DNAAF9: variants seen among roughly 807,000 people sequenced by gnomAD.
DNAAF9 encodes the protein shulin.
DNAAF9 carries 90 observed loss-of-function variants against 167.0 expected under a neutral mutation model. The ratio of observed to expected loss-of-function variants is 0.54; its 90% confidence interval spans 0.45 to 0.64. The LOEUF is 0.64. Among genes scored for constraint, DNAAF9 ranks in the 30% least tolerant of loss-of-function variants. The pLI, the probability that DNAAF9 is intolerant of heterozygous loss-of-function variation, is 0.00. For synonymous variants in DNAAF9, 491 were observed against 508.8 expected, an observed-to-expected ratio of 0.96 and a Z score of 0.47; for missense variants, 1,315 against 1,442.2, an observed-to-expected ratio of 0.91 and a Z score of 1.43.
At chr20:3,353,134 T>C (rs994327887) in intron 7 of DNAAF9, among the ~76,000 whole-genome samples, 2 of 149,854 alleles carry the variant, frequency 1.3e-5, no homozygotes, top group Non-Finnish European at 3.0e-5. Flanking sequence ...ATATAACATA[T>C]GTGTATATAT....
intron 25 of DNAAF9, among the ~76,000 whole-genome samples, chr20:3,292,090 C>G (rs111529712): frequency 6.6e-6 from 1 of 152,048 alleles, no homozygotes; most frequent in South Asian, 2.1e-4. Context: ...CCTCCGCCTC[C>G]CGGGTTCACG....
chr20:3,361,881 T>TAA, intron 6 of DNAAF9: 1 of 1,474,954 alleles, frequency 6.8e-7, no homozygotes, highest in East Asian at 2.3e-5. Flanking sequence ...TCTTTTTGGT[T>TAA]AATTGCTCTA....
rs746976841 is a variant in DNAAF9 at position 3,366,931 on chromosome 20, T to TA, written c.612+7116dup. ...CACGGTGAGACTCTGCCTCAAAAAT[T>TA]AAAAAAAAAAAAAATTAAAAAAATA... On this transcript the variant is annotated intron_variant, in intron 6 of 36. Coordinates refer to ENST00000252032, the MANE Select transcript of DNAAF9 (RefSeq NM_001009984.3). Among the ~76,000 whole-genome samples, 684 of 136,612 alleles carry TA rather than the reference T, an allele frequency of 5.0e-3. 2 individuals are homozygous for TA. The highest frequency in any genetic ancestry group is 0.011 in the African/African-American group (398 of 37,380). 89.6% of individuals were successfully genotyped at this position (136,612 alleles called of 152,430 possible). A position where few individuals can be genotyped will look rare whatever the true frequency, so the allele number is the denominator to read the frequency against.
chr20:3,276,909 AG>A (rs2068683878), intron 29 of DNAAF9, among the ~76,000 whole-genome samples: 1 of 152,130 alleles, frequency 6.6e-6, no homozygotes, highest in Non-Finnish European at 1.5e-5. Flanking sequence ...GCTCTTCTCA[AG>A]GACACTGCTT....
Position 3,295,805 on chromosome 20 carries a change from T to C in DNAAF9, c.2018+1056A>G. 3.5e-6 allele frequency: 3 copies of C among 849,112 alleles called. No homozygotes were observed. The South Asian group carries it at 3.9e-5, about 11-fold the overall frequency. 52.6% of individuals were successfully genotyped at this position (849,112 alleles called of 1,614,324 possible). A position where few individuals can be genotyped will look rare whatever the true frequency, so the allele number is the denominator to read the frequency against. ...GATGTTCTGCAGCTTCAATATTCAG[T>C]GGATCATCAAAATTCAAAAATCAGT... On this transcript the variant is annotated intron_variant, in intron 23 of 36. Coordinates refer to ENST00000252032, the MANE Select transcript of DNAAF9 (RefSeq NM_001009984.3).
chr20:3,336,252 G>GTTTTTTTTT (rs1178750984), intron 10 of DNAAF9, among the ~76,000 whole-genome samples: 1,832 of 80,886 alleles, frequency 0.023, 153 homozygotes, highest in East Asian at 0.042. Flanking sequence ...ACAGTTTTGC[G>GTTTTTTTTT]TTTTTGTTTT....
At chr20:3,404,611 AT>A (rs2084031623) in intron 1 of DNAAF9, among the ~76,000 whole-genome samples, 1 of 152,072 alleles carries the variant, frequency 6.6e-6, no homozygotes, top group East Asian at 1.9e-4. Flanking sequence ...CTATATTATG[AT>A]TTCTACTGTT....
chr20:3,348,349 C>T (rs2070237513), intron 8 of DNAAF9, among the ~76,000 whole-genome samples, 176 bp downstream of exon 8: 1 of 151,818 alleles, frequency 6.6e-6, no homozygotes, highest in Non-Finnish European at 1.5e-5. Flanking sequence ...AAATAAAAGA[C>T]AACTTTTTAT....
intron 18 of DNAAF9, among the ~76,000 whole-genome samples, 166 bp downstream of exon 18, chr20:3,316,557 T>A (rs922865243): frequency 6.6e-6 from 1 of 152,210 alleles, no homozygotes; most frequent in Non-Finnish European, 1.5e-5. Context: ...GGAACTATGT[T>A]CATTTGTATA....
Position 3,394,942 on chromosome 20 carries a change from C to CTTTTTTTTTT in DNAAF9, c.84-12437_84-12436insAAAAAAAAAA, listed in dbSNP as rs1258382355. On this transcript the variant is annotated intron_variant, in intron 1 of 36. Coordinates refer to ENST00000252032, the MANE Select transcript of DNAAF9 (RefSeq NM_001009984.3). ...TTCCATGGCTTTTACTGAACATTTTCTTTTTTCTTTTTTTTTTTTTTTTTT... is the reference window on the plus strand; with the variant it reads ...TTCCATGGCTTTTACTGAACATTTTCTTTTTTTTTTTTTTTTCTTTTTTTTTTTTTTTTTT... Among the ~76,000 whole-genome samples, 80 of 89,032 alleles carry CTTTTTTTTTT rather than the reference C, an allele frequency of 9.0e-4. 17 individuals are homozygous for CTTTTTTTTTT. The highest frequency in any genetic ancestry group is 1.6e-3 in the East Asian group (4 of 2,428). 58.4% of individuals were successfully genotyped at this position (89,032 alleles called of 152,430 possible). A position where few individuals can be genotyped will look rare whatever the true frequency, so the allele number is the denominator to read the frequency against.
intron 7 of DNAAF9, among the ~76,000 whole-genome samples, chr20:3,351,795 T>C (rs2070330415): frequency 6.6e-6 from 1 of 152,082 alleles, no homozygotes; most frequent in Non-Finnish European, 1.5e-5. Flanking sequence ...AGTTATTAGA[T>C]TGTACATCAG....
In DNAAF9 at chr20:3,252,502, T is replaced by A; in HGVS notation, c.*70A>T. ...TTAAGGGAGAGGCCTCCAGCAGAGC[T>A]GAGGTTAAGACACCCGTTCGTCCAT... On this transcript the variant is annotated 3_prime_UTR_variant, in exon 37 of 37. Coordinates refer to ENST00000252032, the MANE Select transcript of DNAAF9 (RefSeq NM_001009984.3). 1.2e-6 allele frequency: 1 copy of A among 856,510 alleles called. No individual in the cohort carries two copies. The highest frequency in any genetic ancestry group is 1.4e-5 in the South Asian group (1 of 73,072). The allele number at this position is 856,510 out of a possible 1,614,324, so 53.1% of individuals were successfully genotyped here. A position where few individuals can be genotyped will look rare whatever the true frequency, so the allele number is the denominator to read the frequency against.
rs1568615171 is a variant in DNAAF9 at position 3,340,588 on chromosome 20, GT to G, written c.896del (p.Asn299ThrfsTer2). 6.2e-7 allele frequency: 1 copy of G among 1,613,774 alleles called. No homozygotes were observed. Among genetic ancestry groups the G allele is most frequent in the South Asian group, 1.1e-5 (1 of 91,070 alleles). On this transcript the variant is annotated frameshift_variant, in exon 10 of 37. Coordinates refer to ENST00000252032, the MANE Select transcript of DNAAF9 (RefSeq NM_001009984.3). LOFTEE classifies it high-confidence loss of function. The stretch of plus-strand genomic sequence containing the variant: ...GGAAGTTAAAGTTGCCAGCATTCAG[GT>G]TTTCTCGTGTGGAGTGATTACCAAA... The part of the protein sequence containing the change: ...VLFGNHSTRE[N>X]LNAGNFNFPS...
rs2069942861 is a variant in DNAAF9 at position 3,336,255 on chromosome 20, T to TTG, written c.982-3895_982-3894insCA. ...TTTTGCAGATTCACAGTTTTGCGTT[T>TTG]TTGTTTTTTTTTTTTTTTTTGCCAA... On this transcript the variant is annotated intron_variant, in intron 10 of 36. Coordinates refer to ENST00000252032, the MANE Select transcript of DNAAF9 (RefSeq NM_001009984.3). Among the ~76,000 whole-genome samples the TTG allele has an allele frequency of 2.5e-5, 3 of 120,206 alleles. No homozygotes were observed. In the East Asian group the frequency reaches 6.5e-4, roughly 26 times the overall value. 78.9% of individuals were successfully genotyped at this position (120,206 alleles called of 152,430 possible).
intron 31 of DNAAF9, among the ~76,000 whole-genome samples, chr20:3,263,110 G>T (rs1294707844): frequency 6.6e-6 from 1 of 151,968 alleles, no homozygotes; most frequent in East Asian, 1.9e-4. Flanking sequence ...AAGTAGCTGG[G>T]ACTACAGGCA....
chr20:3,359,620 ATAAT>A, intron 6 of DNAAF9, 27 bp from the exon 7 acceptor site: 6 of 1,494,854 alleles, frequency 4.0e-6, no homozygotes, highest in Non-Finnish European at 5.6e-6. Flanking sequence ...AAACATTGAA[ATAAT>A]TAAGTCAATA....
intron 21 of DNAAF9, among the ~76,000 whole-genome samples, chr20:3,301,984 C>T (rs1301688415): frequency 6.6e-6 from 1 of 151,890 alleles, no homozygotes; most frequent in Non-Finnish European, 1.5e-5. Context: ...ACTCTGCAGC[C>T]CAGGGTGGAG....
intron 9 of DNAAF9, 105 bp from the exon 10 acceptor site, chr20:3,340,744 C>T (rs1314414999): frequency 9.3e-7 from 1 of 1,072,842 alleles, no homozygotes; most frequent in Non-Finnish European, 1.4e-6. Context: ...ACACTTGCGG[C>T]CTGAGCAAAG....
chr20:3,283,311 C>T (rs565127676), intron 27 of DNAAF9, among the ~76,000 whole-genome samples: 15 of 152,316 alleles, frequency 9.8e-5, no homozygotes, highest in African/African-American at 2.9e-4. Flanking sequence ...TGAGTTCCTA[C>T]GAACAACTCA....
Sources: allele counts gnomAD v4.1 joint callset (sites outside exome capture counted in the v4.1 genomes callset), GRCh38; gene constraint gnomAD v4.1.1; transcripts MANE v1.5; gene names NCBI Gene and HGNC (gene_info 2026-07-23, HGNC 2026-07-21).